The following CTNND2 variants were observed in gnomAD, a reference collection of about 807,000 sequenced individuals.
CTNND2 encodes catenin delta 2.
A neutral mutation model predicts 144.4 loss-of-function variants in CTNND2; 22 were observed. The ratio of observed to expected loss-of-function variants is 0.15; its 90% CI spans 0.11 to 0.22. The LOEUF is 0.22. Ranked by LOEUF, CTNND2 falls within the 10% of genes least tolerant of loss-of-function variation. The pLI is 1.00. For synonymous variants in CTNND2, 751 were observed against 695.6 expected (o/e 1.08, Z -1.25); for missense variants, 1,353 against 1,618.8 (o/e 0.84, Z 2.82).
chr5:11,010,846 C>A (rs1741002542), intron 18 of CTNND2, among the ~76,000 whole-genome samples: 1 of 152,264 alleles, frequency 6.6e-6, no homozygotes, highest in Non-Finnish European at 1.5e-5. Flanking sequence ...ACTTGCTGTG[C>A]AACCCAAGAG....
intron 3 of CTNND2, among the ~76,000 whole-genome samples, chr5:11,476,905 G>C (rs1176797034): frequency 6.6e-6 from 1 of 152,070 alleles, no homozygotes; most frequent in Non-Finnish European, 1.5e-5. Flanking sequence ...AAGGGAGTAG[G>C]TCTCTGTTAT....
chr5:11,457,389 T>C (rs1765825657), intron 3 of CTNND2, among the ~76,000 whole-genome samples: 1 of 152,180 alleles, frequency 6.6e-6, no homozygotes, highest in Admixed American at 6.5e-5. Flanking sequence ...AGCAGCATGA[T>C]AGAGAAACAA....
intron 1 of CTNND2, among the ~76,000 whole-genome samples, chr5:11,902,312 GA>G (rs1436597653): frequency 6.6e-6 from 1 of 152,126 alleles, no homozygotes; most frequent in African/African-American, 2.4e-5. Flanking sequence ...CGTATTTGAG[GA>G]TACTCGCCCC....
At chr5:11,496,283 C>T (rs993605997) in intron 3 of CTNND2, among the ~76,000 whole-genome samples, 5 of 152,198 alleles carry the variant, frequency 3.3e-5, no homozygotes, top group Admixed American at 3.3e-4. Context: ...GTTTCAGGTG[C>T]ACCAGGCCAG....
intron 3 of CTNND2, among the ~76,000 whole-genome samples, chr5:11,417,085 T>C (rs1384449800): frequency 6.6e-6 from 1 of 152,218 alleles, no homozygotes; most frequent in Non-Finnish European, 1.5e-5. Flanking sequence ...ATAGGTCTCA[T>C]TTGGTAGCAG....
intron 11 of CTNND2, among the ~76,000 whole-genome samples, chr5:11,176,936 A>G (rs1760533635): frequency 6.6e-6 from 1 of 152,204 alleles, no homozygotes; most frequent in Non-Finnish European, 1.5e-5. Flanking sequence ...AACAAATGAC[A>G]TAACAGCATC....
At chr5:11,199,763 A>T in intron 10 of CTNND2, 102 bp from the exon 11 acceptor site, 1 of 833,684 alleles carries the variant, frequency 1.2e-6, no homozygotes, top group Non-Finnish European at 2.0e-6. Context: ...AATTAATCGC[A>T]CCAAACTGAA....
chr5:11,473,638 A>G (rs557361082), intron 3 of CTNND2, among the ~76,000 whole-genome samples: 1 of 152,350 alleles, frequency 6.6e-6, no homozygotes, highest in African/African-American at 2.4e-5. Flanking sequence ...GTTCATATCA[A>G]GGAAAAGTTA....
At chr5:11,497,738 G>T (rs916640544) in intron 3 of CTNND2, among the ~76,000 whole-genome samples, 7 of 151,978 alleles carry the variant, frequency 4.6e-5, no homozygotes, top group Non-Finnish European at 7.4e-5. Context: ...CTCATAAATT[G>T]GGCAAGAAAA....
chr5:11,411,960 C>A (rs1298750249), intron 4 of CTNND2, 75 bp downstream of exon 4: 2 of 1,194,598 alleles, frequency 1.7e-6, no homozygotes, highest in Non-Finnish European at 2.5e-6. Context: ...AAGTCTCATT[C>A]TAAAGTTCAT....
At chr5:11,014,429 T>C (rs1741398560) in intron 18 of CTNND2, among the ~76,000 whole-genome samples, 1 of 152,206 alleles carries the variant, frequency 6.6e-6, no homozygotes. Flanking sequence ...TCCTCTGCAA[T>C]GACACAAAAC....
intron 2 of CTNND2, among the ~76,000 whole-genome samples, chr5:11,727,332 C>T (rs1031606993): frequency 2.0e-5 from 3 of 152,110 alleles, no homozygotes; most frequent in African/African-American, 4.8e-5. Flanking sequence ...CCATCCTGTA[C>T]GTATGAAACT....
At chr5:11,342,992 C>T (rs537642456) in intron 9 of CTNND2, among the ~76,000 whole-genome samples, 27 of 152,220 alleles carry the variant, frequency 1.8e-4, no homozygotes, top group Admixed American at 5.9e-4. Flanking sequence ...GCAAATGGGG[C>T]TGTAAAGGGA....
At position 11,196,655 on chromosome 5, in the gene CTNND2, C is replaced by T. The variant is rs902315984; in HGVS notation, c.1975+2793G>A. Among the ~76,000 whole-genome samples the T allele has an allele frequency of 2.6e-5, 4 of 152,232 alleles. No homozygotes were observed. In the East Asian group the frequency reaches 7.7e-4, roughly 29 times the overall value. On this transcript the variant is annotated intron_variant, in intron 11 of 21. Coordinates refer to ENST00000304623, the MANE Select transcript of CTNND2 (RefSeq NM_001332.4). ...GCCTTTCTTCTTGTACCCTACTCCA[C>T]CTCTTGGAGTCATCCACTCCCTTGC...
intron 2 of CTNND2, among the ~76,000 whole-genome samples, chr5:11,731,925 C>G (rs1022674786): frequency 1.3e-5 from 2 of 151,932 alleles, no homozygotes; most frequent in Non-Finnish European, 2.9e-5. Context: ...TTTTTCTTCC[C>G]CTATAAAATA....
At chr5:11,575,059 A>G (rs10068223) in intron 2 of CTNND2, among the ~76,000 whole-genome samples, 2,968 of 152,240 alleles carry the variant, frequency 0.019, 91 homozygotes, top group African/African-American at 0.068. Context: ...TTCTATATAT[A>G]TGCACATTTC....
intron 7 of CTNND2, among the ~76,000 whole-genome samples, chr5:11,370,296 C>A (rs1050571951): frequency 1.3e-5 from 2 of 151,920 alleles, no homozygotes; most frequent in South Asian, 2.1e-4. Context: ...CTGAATACAA[C>A]CCCCAAGAGA....
intron 1 of CTNND2, among the ~76,000 whole-genome samples, chr5:11,832,880 G>A (rs1793981496): frequency 6.6e-6 from 1 of 152,194 alleles, no homozygotes; most frequent in African/African-American, 2.4e-5. Flanking sequence ...GGTCAAGGCT[G>A]CTGTGAGCGG....
At chr5:11,190,672 T>C (rs1165495731) in intron 11 of CTNND2, among the ~76,000 whole-genome samples, 1 of 152,226 alleles carries the variant, frequency 6.6e-6, no homozygotes, top group Non-Finnish European at 1.5e-5. Flanking sequence ...AAATACAGTT[T>C]AATACACAGC....
Sources: gnomAD v4.1 joint callset for allele counts (sites outside exome capture counted in the v4.1 genomes callset) on GRCh38, gnomAD v4.1.1 for gene constraint, MANE v1.5 for transcripts, NCBI Gene and HGNC (gene_info 2026-07-23, HGNC 2026-07-21) for gene names.